GRID2IP: variants seen among roughly 807,000 people sequenced by gnomAD.
GRID2IP encodes delphilin.
GRID2IP carries 78 observed loss-of-function variants against 114.3 expected under a neutral mutation model. The ratio of observed to expected loss-of-function variants is 0.68; its 90% confidence interval spans 0.57 to 0.82. The LOEUF (loss-of-function observed/expected upper bound fraction) is 0.82, where lower values mean the gene tolerates loss of function less well. Ranked by LOEUF, GRID2IP falls within the 40% of genes least tolerant of loss-of-function variation. GRID2IP has a pLI of 0.00. For synonymous variants in GRID2IP, 809 were observed against 724.0 expected (o/e 1.12, Z -1.89); for missense variants, 1,727 against 1,678.5 (o/e 1.03, Z -0.51).
At position 6,525,691 on chromosome 7, in the gene GRID2IP, A is replaced by C. The variant is rs185902935; in HGVS notation, c.919+533T>G. Among the ~76,000 whole-genome samples, 402 of 152,336 alleles carry C rather than the reference A, an allele frequency of 2.6e-3. 1 individual carries two copies. The highest frequency in any genetic ancestry group is 7.0e-3 in the Admixed American group (107 of 15,300). ...CATGATTTCAGGAACAAGAAGGAGC[A>C]AGCAGGGTGGGAGGAGAGCGAAGTC... is the stretch of plus-strand genomic sequence containing the variant. On this transcript the variant is annotated intron_variant, in intron 4 of 21. Coordinates refer to ENST00000457091, the MANE Select transcript of GRID2IP (RefSeq NM_001145118.2).
At chr7:6,545,325 G>T (rs1779871339) in intron 1 of GRID2IP, among the ~76,000 whole-genome samples, 1 of 152,058 alleles carries the variant, frequency 6.6e-6, no homozygotes, top group African/African-American at 2.4e-5. Flanking sequence ...CCTGAAAGCT[G>T]CTCATTCTCC....
chr7:6,544,925 GA>G (rs1156708805), intron 1 of GRID2IP, among the ~76,000 whole-genome samples: 4 of 151,736 alleles, frequency 2.6e-5, no homozygotes, highest in Admixed American at 6.6e-5. Flanking sequence ...ACTAAAAATA[GA>G]AAAAAAATTA....
chr7:6,503,516 C>T lies in GRID2IP; in HGVS notation c.2882G>A (p.Ser961Asn), dbSNP rs1224343820. The T allele has an allele frequency of 1.3e-6, 2 of 1,525,978 alleles. No individual in the cohort carries two copies. The highest frequency in any genetic ancestry group is 1.7e-6 in the Non-Finnish European group (2 of 1,143,184). The allele number at this position is 1,525,978 out of a possible 1,614,324, so 94.5% of individuals were successfully genotyped here. A position where few individuals can be genotyped will look rare whatever the true frequency, so the allele number is the denominator to read the frequency against. Reference sequence around the variant, plus strand: ...CTGCAGGACGAACTGGTCCGGCTCGCTGAGGCGGCCGGGCGCCTCGCGGAA... The same window carrying T: ...CTGCAGGACGAACTGGTCCGGCTCGTTGAGGCGGCCGGGCGCCTCGCGGAA... ...QAFREAPGRLSEPDQFVLQML... is the reference protein window; with the variant it reads ...QAFREAPGRLNEPDQFVLQML... Residue 961 changes from serine to asparagine, a missense_variant, in exon 16 of 22, where the codon AGC becomes AAC. Ser to Asn is a conservative substitution (Grantham distance 46). Transcript: ENST00000457091.
intron 2 of GRID2IP, among the ~76,000 whole-genome samples, chr7:6,535,171 C>CA (rs1779702591): frequency 6.6e-6 from 1 of 152,150 alleles, no homozygotes; most frequent in African/African-American, 2.4e-5. Flanking sequence ...AGGTGTGAGC[C>CA]ACCGCGCCGG....
intron 2 of GRID2IP, among the ~76,000 whole-genome samples, chr7:6,538,473 G>A (rs908804816): frequency 7.0e-6 from 1 of 143,170 alleles, no homozygotes; most frequent in Non-Finnish European, 1.5e-5. Context: ...AAGCTGAGGT[G>A]GGTGAATCAC....
Position 6,526,157 on chromosome 7 carries a change from C to T in GRID2IP, c.919+67G>A. 4 of 1,284,826 alleles carry T rather than the reference C, an allele frequency of 3.1e-6. No homozygotes were observed. The highest frequency in any genetic ancestry group is 4.4e-6 in the Non-Finnish European group (4 of 905,786). 79.6% of individuals were successfully genotyped at this position (1,284,826 alleles called of 1,614,324 possible). On this transcript the variant is annotated intron_variant, in intron 4 of 21. Transcript: ENST00000457091. The surrounding 1 kb of genome is among the most constrained non-coding windows in gnomAD (Gnocchi z 7.6). ...CATGGGGTACAATGACCCGGCAGAG[C>T]CACCACGGGGCCCTTCACCCCATCC...
Position 6,508,012 on chromosome 7 carries a change from C to T in GRID2IP, c.2517G>A (p.Glu839=), listed in dbSNP as rs1583335606. Residue 839 remains glutamate (E), a synonymous_variant, in exon 13 of 22, where the codon GAG becomes GAA. Coordinates refer to ENST00000457091, the MANE Select transcript of GRID2IP (RefSeq NM_001145118.2). The surrounding 1 kb of genome is among the most constrained non-coding windows in gnomAD (Gnocchi z 5.6). ...SVKRLRWEQV[E]NSEGTIWGQL... Reference sequence around the variant, plus strand: ...GACCCCAGATGGTGCCTTCTGAGTTCTCCACCTGTTCCCACCGCAAGCGCT... The same window carrying T: ...GACCCCAGATGGTGCCTTCTGAGTTTTCCACCTGTTCCCACCGCAAGCGCT... The T allele has an allele frequency of 1.9e-6, 3 of 1,549,814 alleles. No homozygotes were observed. Among genetic ancestry groups the T allele is most frequent in the South Asian group, 1.2e-5 (1 of 84,052 alleles).
intron 1 of GRID2IP, among the ~76,000 whole-genome samples, chr7:6,547,951 G>A (rs1779911779): frequency 6.6e-6 from 1 of 152,204 alleles, no homozygotes; most frequent in Non-Finnish European, 1.5e-5. Context: ...CCATGGCCAA[G>A]TGCTGCTGGG....
At chr7:6,502,710 A>G (rs1276102511) in intron 18 of GRID2IP, 76 bp downstream of exon 18, 3 of 1,050,664 alleles carry the variant, frequency 2.9e-6, no homozygotes, top group Admixed American at 2.1e-5. Context: ...GCCCTCTGCC[A>G]CAACTGAGCT....
At chr7:6,542,686 T>C (rs969906017) in intron 1 of GRID2IP, among the ~76,000 whole-genome samples, 4 of 151,946 alleles carry the variant, frequency 2.6e-5, no homozygotes, top group African/African-American at 9.7e-5. Flanking sequence ...AATAAAACCA[T>C]GAAATAGGGA....
In GRID2IP at chr7:6,521,814, C is replaced by T. The variant is rs113923164; in HGVS notation, c.989+74G>A. On this transcript the variant is annotated intron_variant, in intron 5 of 21. Coordinates refer to ENST00000457091, the MANE Select transcript of GRID2IP (RefSeq NM_001145118.2). The surrounding 1 kb of genome is among the most constrained non-coding windows in gnomAD (Gnocchi z 4.1). ...GAGATTGTGATCACAGCCTGGGTGC[C>T]CCAAGAGGCAGGAGTCTTGCAGGGG... 7 of 1,146,176 alleles carry T rather than the reference C, an allele frequency of 6.1e-6. No individual in the cohort carries two copies. Among genetic ancestry groups the T allele is most frequent in the African/African-American group, 1.5e-5 (1 of 65,430 alleles). The allele number at this position is 1,146,176 out of a possible 1,614,324, so 71.0% of individuals were successfully genotyped here.
At chr7:6,548,539 A>T (rs1299549156) in intron 1 of GRID2IP, among the ~76,000 whole-genome samples, 1 of 151,914 alleles carries the variant, frequency 6.6e-6, no homozygotes, top group Non-Finnish European at 1.5e-5. Flanking sequence ...AAAAATCAAA[A>T]TAATGTAAAA....
In GRID2IP at chr7:6,526,625, C is replaced by G. The variant is rs1448478671; in HGVS notation, c.729G>C (p.Leu243=). 1 of 1,321,098 alleles carries G rather than the reference C, an allele frequency of 7.6e-7. No homozygotes were observed. Among genetic ancestry groups the G allele is most frequent in the Middle Eastern group, 2.9e-4 (1 of 3,416 alleles). The allele number at this position is 1,321,098 out of a possible 1,614,324, so 81.8% of individuals were successfully genotyped here. A position where few individuals can be genotyped will look rare whatever the true frequency, so the allele number is the denominator to read the frequency against. ...GCGGGGCGCTGGCGCGCGTGGACAC[C>G]AGGAGGCGCTCCGGCCGCTCCTCGC... is the stretch of plus-strand genomic sequence containing the variant. ...SRSEERPERL[L]VSTRASAPPR... The change falls in exon 3 of 22, where the codon CTG becomes CTC. Residue 243 remains leucine (L), a synonymous_variant. Coordinates refer to ENST00000457091, the MANE Select transcript of GRID2IP (RefSeq NM_001145118.2). The surrounding 1 kb of genome is among the most constrained non-coding windows in gnomAD (Gnocchi z 7.6).
At chr7:6,510,123 C>T (rs539988980) in intron 11 of GRID2IP, among the ~76,000 whole-genome samples, 160 bp downstream of exon 11, 1 of 152,276 alleles carries the variant, frequency 6.6e-6, no homozygotes, top group African/African-American at 2.4e-5. Flanking sequence ...ACCCACGGTA[C>T]CCAGGCTACT....
At chr7:6,539,607 A>T (rs1216215588) in intron 2 of GRID2IP, 111 bp downstream of exon 2, 20 of 1,016,364 alleles carry the variant, frequency 2.0e-5, no homozygotes, top group Non-Finnish European at 2.5e-5. Context: ...GCAGGCTACC[A>T]TCTATTATCT....
chr7:6,502,735 C>T (rs372287681), intron 18 of GRID2IP, 51 bp downstream of exon 18: 42 of 1,357,372 alleles, frequency 3.1e-5, no homozygotes, highest in African/African-American at 3.0e-4. Context: ...CTGGCGTTAG[C>T]GCCTTGCTGG....
At chr7:6,515,740 C>T (rs370648554) in intron 7 of GRID2IP, among the ~76,000 whole-genome samples, 4 of 151,566 alleles carry the variant, frequency 2.6e-5, no homozygotes, top group Admixed American at 6.6e-5. Flanking sequence ...GCCAAGATTG[C>T]GCCACTACAC....
At chr7:6,504,931 AG>A (rs1209279875) in intron 14 of GRID2IP, 61 bp from the exon 15 acceptor site, 71 of 1,420,620 alleles carry the variant, frequency 5.0e-5, no homozygotes, top group East Asian at 2.5e-5. Context: ...GGGAAGGCCC[AG>A]GGGTGGCGTG....
intron 20 of GRID2IP, 94 bp from the exon 21 acceptor site, chr7:6,498,322 C>G: frequency 7.9e-7 from 1 of 1,273,082 alleles, no homozygotes; most frequent in East Asian, 2.6e-5. Context: ...AGCCCTATTC[C>G]CGGTTGGCCT....
Sources: gnomAD v4.1 joint callset for allele counts (sites outside exome capture counted in the v4.1 genomes callset) on GRCh38, gnomAD v4.1.1 for gene constraint, Gnocchi (gnomAD v3.1) non-coding constraint, MANE v1.5 for transcripts, NCBI Gene and HGNC (gene_info 2026-07-23, HGNC 2026-07-21) for gene names.